The following KHDRBS2 variants were observed in gnomAD, a reference collection of about 807,000 sequenced individuals.
KHDRBS2 encodes the protein KH RNA binding domain containing, signal transduction associated 2, also known as KH domain-containing, RNA-binding, signal transduction-associated protein 2.
A neutral mutation model predicts 44.3 loss-of-function variants in KHDRBS2; 26 were observed. The observed-to-expected ratio is 0.59, with a 90% CI of 0.43 to 0.81. KHDRBS2 has a LOEUF of 0.81. KHDRBS2 is among the 40% of genes least tolerant of loss of function. The probability of loss-of-function intolerance (pLI) is 0.00; values close to 1 mark genes in which losing one functional copy is unlikely to be tolerated. For synonymous variants in KHDRBS2, 194 were observed against 151.1 expected, an observed-to-expected ratio of 1.28 and a Z score of -2.08; for missense variants, 476 against 433.1, an observed-to-expected ratio of 1.10 and a Z score of -0.88.
Position 62,151,713 on chromosome 6 carries a change from T to TAC in KHDRBS2, c.219+25470_219+25471dup, listed in dbSNP as rs560662991. Among the ~76,000 whole-genome samples the TAC allele has an allele frequency of 2.5e-3, 383 of 150,838 alleles. 8 individuals are homozygous for TAC. In the South Asian group the frequency reaches 0.051, roughly 20 times the overall value. ...AGCACAATAAGAAGAATATGGTATG[T>TAC]ACACACACACACACACAACTTCAAG... On this transcript the variant is annotated intron_variant, in intron 2 of 8. Coordinates refer to ENST00000281156, the MANE Select transcript of KHDRBS2 (RefSeq NM_152688.4).
chr6:61,771,230 A>G (rs1486732004), intron 6 of KHDRBS2, among the ~76,000 whole-genome samples: 2 of 152,184 alleles, frequency 1.3e-5, no homozygotes, highest in Non-Finnish European at 2.9e-5. Flanking sequence ...CACTGCAAAA[A>G]CATGCCAAAT....
intron 6 of KHDRBS2, among the ~76,000 whole-genome samples, chr6:61,888,802 C>A (rs1432657881): frequency 6.6e-6 from 1 of 151,894 alleles, no homozygotes; most frequent in African/African-American, 2.4e-5. Context: ...ACTTCGTGAT[C>A]CACCCACCCC....
chr6:62,175,607 A>C (rs1238695810), intron 2 of KHDRBS2, among the ~76,000 whole-genome samples: 2 of 151,664 alleles, frequency 1.3e-5, no homozygotes, highest in Non-Finnish European at 3.0e-5. Flanking sequence ...TTCCAGCCTA[A>C]GCATTCCATG....
chr6:62,267,638 A>C (rs897707483), intron 1 of KHDRBS2, among the ~76,000 whole-genome samples: 2 of 152,074 alleles, frequency 1.3e-5, no homozygotes, highest in African/African-American at 4.8e-5. Flanking sequence ...ACTGGGAGTC[A>C]AAATGAGCTA....
At chr6:61,987,020 T>C (rs1775173160) in intron 3 of KHDRBS2, among the ~76,000 whole-genome samples, 1 of 152,232 alleles carries the variant, frequency 6.6e-6, no homozygotes, top group South Asian at 2.1e-4. Flanking sequence ...ATCTACAATA[T>C]GTTACATGGA....
chr6:61,571,249 C>G, the KHDRBS2 span, among the ~76,000 whole-genome samples: 81,790 of 151,770 alleles, frequency 0.54, 22,569 homozygotes, highest in Non-Finnish European at 0.61. Flanking sequence ...AAATGGAAAC[C>G]TAAAGCATGC....
Position 61,747,749 on chromosome 6 carries a change from C to A in KHDRBS2, c.811-14985G>T, listed in dbSNP as rs370336570. ...TATCATTGGAAATATATTAACAATGCCCTTGTAGTCATCTTTAACCTCTGG... is the reference window on the plus strand; with the variant it reads ...TATCATTGGAAATATATTAACAATGACCTTGTAGTCATCTTTAACCTCTGG... On this transcript the variant is annotated intron_variant, in intron 6 of 8. Coordinates refer to ENST00000281156, the MANE Select transcript of KHDRBS2 (RefSeq NM_152688.4). Among the ~76,000 whole-genome samples the A allele has an allele frequency of 4.6e-5, 7 of 151,940 alleles. No individual in the cohort carries two copies. The South Asian group carries it at 1.5e-3, about 32-fold the overall frequency.
At chr6:62,097,301 G>C (rs901317751) in intron 2 of KHDRBS2, among the ~76,000 whole-genome samples, 76 of 151,850 alleles carry the variant, frequency 5.0e-4, no homozygotes, top group African/African-American at 1.7e-3. Flanking sequence ...CTATTTGGAT[G>C]ATCTGTCCAT....
intron 2 of KHDRBS2, among the ~76,000 whole-genome samples, chr6:62,090,548 AT>A (rs2127363155): frequency 6.6e-6 from 1 of 151,282 alleles, no homozygotes; most frequent in African/African-American, 2.4e-5. Context: ...CCTAGTGGTT[AT>A]AGGAAAGGTG....
At chr6:61,560,140 C>A in the KHDRBS2 span, among the ~76,000 whole-genome samples, 1 of 152,090 alleles carries the variant, frequency 6.6e-6, no homozygotes, top group Non-Finnish European at 1.5e-5. Flanking sequence ...TCTTTCACAG[C>A]CTGAAAATTC....
chr6:61,605,687 A>C, the KHDRBS2 span, among the ~76,000 whole-genome samples: 1 of 152,242 alleles, frequency 6.6e-6, no homozygotes, highest in Non-Finnish European at 1.5e-5. Flanking sequence ...AGGTTCCCAC[A>C]CTGCCCCAAT....
the KHDRBS2 span, among the ~76,000 whole-genome samples, chr6:61,648,405 C>A: frequency 6.6e-6 from 1 of 152,118 alleles, no homozygotes; most frequent in African/African-American, 2.4e-5. Flanking sequence ...AGTATCCTAA[C>A]CTTCCCCAGT....
chr6:61,932,645 A>C (rs1305647686), intron 4 of KHDRBS2, among the ~76,000 whole-genome samples: 7 of 152,074 alleles, frequency 4.6e-5, no homozygotes, highest in Non-Finnish European at 4.4e-5. Context: ...TAAAAATACA[A>C]AAAAATTAGC....
chr6:62,243,426 T>C (rs570103827), intron 1 of KHDRBS2, among the ~76,000 whole-genome samples: 5 of 152,122 alleles, frequency 3.3e-5, no homozygotes, highest in East Asian at 3.9e-4. Flanking sequence ...AACCTCAACA[T>C]AGAAATCTAA....
rs146229973 is a variant in KHDRBS2 at position 61,867,867 on chromosome 6, G to A, written c.810+26768C>T. On this transcript the variant is annotated intron_variant, in intron 6 of 8. Transcript: ENST00000281156. ...TTACTGACTGGTTGCCAGCCCAAAC[G>A]TACCTGTAGGAGGTGGCTGGGGACC... 1.1e-3 allele frequency among the ~76,000 whole-genome samples: 171 copies of A among 152,280 alleles called. 1 individual carries two copies. The highest frequency in any genetic ancestry group is 3.1e-3 in the Admixed American group (47 of 15,304).
the KHDRBS2 span, among the ~76,000 whole-genome samples, chr6:61,655,048 C>T: frequency 6.6e-6 from 1 of 151,744 alleles, no homozygotes; most frequent in Non-Finnish European, 1.5e-5. Flanking sequence ...AGATCTCCCT[C>T]CCGCTAACTG....
At chr6:62,118,205 C>G (rs1176515031) in intron 2 of KHDRBS2, among the ~76,000 whole-genome samples, 1 of 152,164 alleles carries the variant, frequency 6.6e-6, no homozygotes, top group Non-Finnish European at 1.5e-5. Flanking sequence ...ACTTGACAAT[C>G]AATTTGTGGA....
chr6:62,285,728 G>T, intron 1 of KHDRBS2, 130 bp downstream of exon 1: 1 of 625,592 alleles, frequency 1.6e-6, no homozygotes, highest in South Asian at 2.0e-5. Context: ...GCTCTAAGGC[G>T]AGCATCTTCA....
chr6:61,581,432 G>A, the KHDRBS2 span, among the ~76,000 whole-genome samples: 1 of 151,220 alleles, frequency 6.6e-6, no homozygotes, highest in Non-Finnish European at 1.5e-5. Context: ...CAGCAAAAAT[G>A]GCAAAATTAA....
Sources: allele counts gnomAD v4.1 joint callset (sites outside exome capture counted in the v4.1 genomes callset), GRCh38; gene constraint gnomAD v4.1.1; transcripts MANE v1.5; gene names NCBI Gene and HGNC (gene_info 2026-07-23, HGNC 2026-07-21).